Variants in RB1 observed in about 807,000 individuals in gnomAD.
The protein encoded by RB1 is retinoblastoma-associated protein.
A neutral mutation model predicts 135.4 loss-of-function variants in RB1; 18 were observed. The observed-to-expected ratio is 0.13, with a 90% confidence interval of 0.09 to 0.20. RB1 has a LOEUF of 0.20. Ranked by LOEUF, RB1 falls within the 10% of genes least tolerant of loss-of-function variation. RB1 has a pLI of 1.00. For synonymous variants in RB1, 365 were observed against 373.2 expected (o/e 0.98, Z 0.25); for missense variants, 868 against 1,110.0 (o/e 0.78, Z 3.10).
chr13:48,380,382 A>C, intron 16 of RB1, 141 bp downstream of exon 16: 1 of 649,410 alleles, frequency 1.5e-6, no homozygotes, highest in Non-Finnish European at 2.6e-6. Context: ...TGAAGAATGT[A>C]ATTGGTCATT....
intron 17 of RB1, among the ~76,000 whole-genome samples, chr13:48,436,502 G>A (rs1177766446): frequency 6.6e-6 from 1 of 152,074 alleles, no homozygotes; most frequent in African/African-American, 2.4e-5. Context: ...AATTAGCTGA[G>A]TATGGTGGCA....
At chr13:48,435,511 C>T (rs1347895849) in intron 17 of RB1, among the ~76,000 whole-genome samples, 1 of 151,930 alleles carries the variant, frequency 6.6e-6, no homozygotes, top group Non-Finnish European at 1.5e-5. Flanking sequence ...TTCTCTTGGC[C>T]TGTAGCTTCT....
intron 17 of RB1, chr13:48,424,122 A>G (rs562299882): frequency 4.5e-4 from 69 of 152,734 alleles, no homozygotes; most frequent in African/African-American, 1.6e-3. Flanking sequence ...AAAATTTTCT[A>G]TTTAGGTATA....
At chr13:48,474,772 T>G (rs529861316) in intron 24 of RB1, among the ~76,000 whole-genome samples, 1 of 152,314 alleles carries the variant, frequency 6.6e-6, no homozygotes, top group South Asian at 2.1e-4. Flanking sequence ...ACATTTATTC[T>G]AGGCTGCAAA....
At chr13:48,352,534 G>A in intron 6 of RB1, among the ~76,000 whole-genome samples, 1 of 151,972 alleles carries the variant, frequency 6.6e-6, no homozygotes, top group African/African-American at 2.4e-5. Context: ...TGATTGCTTT[G>A]AGCAGTGTTT....
At chr13:48,457,538 C>T (rs1239058814) in intron 19 of RB1, among the ~76,000 whole-genome samples, 1 of 152,158 alleles carries the variant, frequency 6.6e-6, no homozygotes, top group Non-Finnish European at 1.5e-5. Context: ...CCACCCCCAG[C>T]CTTCAGGCGC....
At chr13:48,390,221 A>G (rs950050833) in intron 17 of RB1, among the ~76,000 whole-genome samples, 1 of 152,214 alleles carries the variant, frequency 6.6e-6, no homozygotes, top group African/African-American at 2.4e-5. Context: ...TAAATAATTC[A>G]TTCATTAAAT....
chr13:48,476,702 C>T lies in RB1; in HGVS notation c.2522C>T (p.Thr841Ile), dbSNP rs1358216534. 1.9e-6 allele frequency: 3 copies of T among 1,612,068 alleles called. No individual in the cohort carries two copies. The highest frequency in any genetic ancestry group is 2.2e-5 in the South Asian group (2 of 91,038). The change falls in exon 25 of 27, where the codon ACT becomes ATT. Residue 841 changes from threonine to isoleucine, a missense_variant and splice_region_variant. Transcript: ENST00000267163. ...ILVSIGESFG[T>I]SEKFQKINQM... ...AGTAAAGAATTCTGTAATTTGTAGA[C>T]TTCTGAGAAGTTCCAGAAAATAAAT...
chr13:48,333,993 A>C (rs1043564305), intron 2 of RB1, among the ~76,000 whole-genome samples: 4 of 152,130 alleles, frequency 2.6e-5, no homozygotes, highest in Admixed American at 2.0e-4. Context: ...GGAGTTTTTC[A>C]AATTTATTTT....
At chr13:48,400,397 G>C (rs1413246686) in intron 17 of RB1, among the ~76,000 whole-genome samples, 2 of 152,104 alleles carry the variant, frequency 1.3e-5, no homozygotes, top group Admixed American at 1.3e-4. Flanking sequence ...CAGGCTATCT[G>C]GTTCCAGAGA....
intron 17 of RB1, among the ~76,000 whole-genome samples, chr13:48,381,829 A>G (rs1948538731): frequency 1.3e-5 from 2 of 152,024 alleles, no homozygotes; most frequent in African/African-American, 4.8e-5. Flanking sequence ...ATATCTCCTA[A>G]TGCTATCCCT....
chr13:48,373,562 A>G (rs757169205), intron 12 of RB1, 70 bp downstream of exon 12: 1 of 995,256 alleles, frequency 1.0e-6, no homozygotes, highest in South Asian at 1.3e-5. Flanking sequence ...AAGTTAAAGT[A>G]CTGAGTTCTT....
At chr13:48,332,355 G>A (rs2138070085) in intron 2 of RB1, among the ~76,000 whole-genome samples, 1 of 152,288 alleles carries the variant, frequency 6.6e-6, no homozygotes, top group African/African-American at 2.4e-5. Context: ...GATTGCTTTA[G>A]GCCAGAGTTA....
chr13:48,318,554 G>A, intron 2 of RB1: 1 of 725,550 alleles, frequency 1.4e-6, no homozygotes, highest in African/African-American at 1.8e-5. Context: ...CCGGGACCTC[G>A]CTGGCTTTGC....
intron 17 of RB1, among the ~76,000 whole-genome samples, chr13:48,445,760 T>A (rs1949281947): frequency 6.6e-6 from 1 of 152,162 alleles, no homozygotes; most frequent in African/African-American, 2.4e-5. Flanking sequence ...CACCAGACCC[T>A]GAGCACCGTG....
chr13:48,414,029 G>C (rs996981232), intron 17 of RB1, among the ~76,000 whole-genome samples: 2 of 151,950 alleles, frequency 1.3e-5, no homozygotes, highest in Non-Finnish European at 2.9e-5. Context: ...TCTATGAATG[G>C]TTTATATGTT....
At chr13:48,382,883 G>GAAGGGATCCAGTTTCAGCTTT (rs1333596402) in intron 17 of RB1, among the ~76,000 whole-genome samples, 5 of 151,972 alleles carry the variant, frequency 3.3e-5, no homozygotes, top group Non-Finnish European at 7.4e-5. Flanking sequence ...AAGGTGTAAG[G>GAAGGGATCCAGTTTCAGCTTT]AAGGGATCCA....
chr13:48,384,647 G>T (rs182504464), intron 17 of RB1, among the ~76,000 whole-genome samples: 4 of 152,252 alleles, frequency 2.6e-5, no homozygotes, highest in Admixed American at 2.6e-4. Flanking sequence ...TATTCACACA[G>T]AGTTGTTGAC....
chr13:48,388,957 C>T (rs111353382), intron 17 of RB1, among the ~76,000 whole-genome samples: 4,785 of 151,878 alleles, frequency 0.032, 107 homozygotes, highest in Non-Finnish European at 0.051. Flanking sequence ...GCCAGGAGTT[C>T]GAGACTAGCC....
Sources: allele counts gnomAD v4.1 joint callset (sites outside exome capture counted in the v4.1 genomes callset), GRCh38; gene constraint gnomAD v4.1.1; transcripts MANE v1.5; gene names NCBI Gene and HGNC (gene_info 2026-07-23, HGNC 2026-07-21).